The following ABHD5 variants were observed in gnomAD, a reference collection of about 807,000 sequenced individuals.
ABHD5 encodes the protein abhydrolase domain containing 5, lysophosphatidic acid acyltransferase.
A neutral mutation model predicts 44.9 loss-of-function variants in ABHD5; 30 were observed. The observed-to-expected ratio is 0.67, with a 90% CI of 0.50 to 0.91. The LOEUF is 0.91. Among genes scored for constraint, ABHD5 ranks in the 40% least tolerant of loss-of-function variants. The probability of loss-of-function intolerance (pLI) is 0.00; values close to 1 mark genes in which losing one functional copy is unlikely to be tolerated. For synonymous variants in ABHD5, 167 were observed against 147.0 expected (o/e 1.14, Z -0.99); for missense variants, 399 against 423.4 (o/e 0.94, Z 0.50).
chr3:43,717,857 A>G lies in ABHD5; in HGVS notation c.960A>G (p.Ile320Met), dbSNP rs1205877591. Reference protein sequence around the residue: ...SLRPHSYVKTIAILGAGHYVY... With the variant: ...SLRPHSYVKTMAILGAGHYVY... ...GACCACATTCATATGTGAAGACAAT[A>G]GTAAGTGTGTGGCTTGATTTGGGTT... is the stretch of plus-strand genomic sequence containing the variant. The change falls in exon 6 of 7, where the codon ATA becomes ATG. Residue 320 changes from isoleucine to methionine, a missense_variant and splice_region_variant. Physicochemically the swap from Ile to Met is conservative, Grantham distance 10. Transcript: ENST00000644371. 1.2e-6 allele frequency: 2 copies of G among 1,614,140 alleles called. No homozygotes were observed. The highest frequency in any genetic ancestry group is 1.7e-6 in the Non-Finnish European group (2 of 1,179,984).
rs1008706767 is a variant in ABHD5 at position 43,720,859 on chromosome 3, C to T, written c.*2327C>T. The T allele has an allele frequency of 5.9e-5, 9 of 151,914 alleles. No homozygotes were observed. The highest frequency in any genetic ancestry group is 4.6e-4 in the Admixed American group (7 of 15,234). The allele number at this position is 151,914 out of a possible 1,614,324, so 9.4% of individuals were successfully genotyped here. ...CCGCCATACATGGCTTTACCTGGGT[C>T]CATGCATTCCCTTAAGATGACTTCT... On this transcript the variant is annotated 3_prime_UTR_variant, in exon 7 of 7. Coordinates refer to ENST00000644371, the MANE Select transcript of ABHD5 (RefSeq NM_016006.6).
chr3:43,707,070 A>G (rs1475160911), intron 3 of ABHD5, among the ~76,000 whole-genome samples: 1 of 152,086 alleles, frequency 6.6e-6, no homozygotes, highest in Non-Finnish European at 1.5e-5. Flanking sequence ...ATTTTTGCCA[A>G]CTTTTGGATT....
chr3:43,725,421 A>G (rs1377933820), downstream of ABHD5, among the ~76,000 whole-genome samples: 1 of 152,210 alleles, frequency 6.6e-6, no homozygotes, highest in Non-Finnish European at 1.5e-5. Context: ...GCTTAATTAG[A>G]TTAGCTCCAA....
At chr3:43,711,147 G>C (rs561607629) in intron 3 of ABHD5, among the ~76,000 whole-genome samples, 1 of 152,178 alleles carries the variant, frequency 6.6e-6, no homozygotes, top group Non-Finnish European at 1.5e-5. Context: ...AGTGTTTTCA[G>C]TCCACGTTAC....
intron 1 of ABHD5, among the ~76,000 whole-genome samples, chr3:43,694,631 C>A (rs75673581): frequency 8.5e-4 from 129 of 151,850 alleles, no homozygotes; most frequent in African/African-American, 3.0e-3. Flanking sequence ...AGGTAGGAAA[C>A]AATGGGGAGA....
At chr3:43,708,868 GCA>G (rs1228900234) in intron 3 of ABHD5, among the ~76,000 whole-genome samples, 1 of 152,116 alleles carries the variant, frequency 6.6e-6, no homozygotes, top group African/African-American at 2.4e-5. Flanking sequence ...AGACACCCAT[GCA>G]CATATACATT....
rs138418115 is a variant in ABHD5, at chr3:43,712,247, G to A, written c.661+384G>A. ...GCCCTGCTGGTGAGCACTGGAGAGCGTTTGGCCAATTGATGATACCATTTG... is the reference window on the plus strand; with the variant it reads ...GCCCTGCTGGTGAGCACTGGAGAGCATTTGGCCAATTGATGATACCATTTG... On this transcript the variant is annotated intron_variant, in intron 4 of 6. Transcript: ENST00000644371. Among the ~76,000 whole-genome samples the A allele has an allele frequency of 2.4e-3, 371 of 152,228 alleles. 4 individuals are homozygous for A. Among genetic ancestry groups the A allele is most frequent in the African/African-American group, 8.7e-3 (361 of 41,532 alleles).
chr3:43,690,957 T>C lies in ABHD5; in HGVS notation c.-36T>C. On this transcript the variant is annotated 5_prime_UTR_variant, in exon 1 of 7. Transcript: ENST00000644371. ...CGGCCCAGTCGGCCTGTCAGCCGGC[T>C]TCGAGATAAGTCCCGGCGCTTGCGC... 6.4e-7 allele frequency: 1 copy of C among 1,554,486 alleles called. No homozygotes were observed. Among genetic ancestry groups the C allele is most frequent in the Non-Finnish European group, 8.7e-7 (1 of 1,155,160 alleles).
At chr3:43,718,327 G>C (rs1465171916) in intron 6 of ABHD5, 116 bp from the exon 7 acceptor site, 1 of 852,750 alleles carries the variant, frequency 1.2e-6, no homozygotes, top group African/African-American at 1.7e-5. Flanking sequence ...TTAATCACGT[G>C]TTTTATTTAA....
Position 43,702,872 on chromosome 3 carries a change from T to G in ABHD5, c.506+285T>G, listed in dbSNP as rs551032648. ...TATAATTTTAAGCCACAAGTAAAAA[T>G]TATTTATTATTATTATCATTAAACC... On this transcript the variant is annotated intron_variant, in intron 3 of 6. Transcript: ENST00000644371. 6.6e-4 allele frequency among the ~76,000 whole-genome samples: 99 copies of G among 149,946 alleles called. 2 individuals carry two copies. Among genetic ancestry groups the G allele is most frequent in the African/African-American group, 2.4e-3 (96 of 40,274 alleles).
In ABHD5 at chr3:43,718,669, T is replaced by G. The variant is rs2084798983; in HGVS notation, c.*137T>G. 1.2e-6 allele frequency: 1 copy of G among 824,980 alleles called. No homozygotes were observed. Among genetic ancestry groups the G allele is most frequent in the East Asian group, 2.7e-5 (1 of 37,586 alleles). 51.1% of individuals were successfully genotyped at this position (824,980 alleles called of 1,614,324 possible). ...GACTATACTTTGCACATGTTTTCTT[T>G]AGGAATTCACTCACACATTTAAACC... is the stretch of plus-strand genomic sequence containing the variant. On this transcript the variant is annotated 3_prime_UTR_variant, in exon 7 of 7. Coordinates refer to ENST00000644371, the MANE Select transcript of ABHD5 (RefSeq NM_016006.6).
Position 43,691,012 on chromosome 3 carries a change from A to T in ABHD5, c.20A>T (p.Glu7Val). The part of the protein sequence containing the change: MAAEEE[E>V]VDSADTGERS... The stretch of plus-strand genomic sequence containing the variant: ...GCGGCTATGGCGGCGGAGGAGGAGG[A>T]GGTGGACTCTGCCGACACCGGAGAG... The change falls in exon 1 of 7, where the codon GAG (glutamate) becomes GTG (valine). Residue 7 changes from glutamate to valine, a missense_variant. By Grantham distance (121) the Glu-to-Val change is moderately radical. Transcript: ENST00000644371. 6.4e-7 allele frequency: 1 copy of T among 1,563,600 alleles called. No individual in the cohort carries two copies. Among genetic ancestry groups the T allele is most frequent in the Non-Finnish European group, 8.6e-7 (1 of 1,158,298 alleles).
intron 7 of ABHD5, among the ~76,000 whole-genome samples, chr3:43,728,431 A>G (rs945427430): frequency 6.6e-6 from 1 of 152,226 alleles, no homozygotes; most frequent in Non-Finnish European, 1.5e-5. Context: ...TACATTGCTG[A>G]TGAAAACTAT....
chr3:43,693,856 T>A (rs1227231442), intron 1 of ABHD5, among the ~76,000 whole-genome samples: 1 of 152,006 alleles, frequency 6.6e-6, no homozygotes, highest in Non-Finnish European at 1.5e-5. Context: ...CTGTCTTGTC[T>A]GTGGAGATGA....
chr3:43,699,378 G>T lies in ABHD5; in HGVS notation c.133+17G>T. 6.3e-7 allele frequency: 1 copy of T among 1,598,508 alleles called. No homozygotes were observed. Among genetic ancestry groups the T allele is most frequent in the Non-Finnish European group, 8.6e-7 (1 of 1,166,134 alleles). On this transcript the variant is annotated intron_variant, in intron 2 of 6. Transcript: ENST00000644371. Reference sequence around the variant, plus strand: ...TGTTAAAATGTAAGGCTTTCTTCTTGTAAGTTAAATGAGCTGTGTACTAAG... The same window carrying T: ...TGTTAAAATGTAAGGCTTTCTTCTTTTAAGTTAAATGAGCTGTGTACTAAG...
intron 3 of ABHD5, among the ~76,000 whole-genome samples, chr3:43,708,999 G>A (rs986202783): frequency 5.9e-5 from 9 of 152,234 alleles, no homozygotes; most frequent in Admixed American, 2.6e-4. Context: ...TTTTGTTACC[G>A]AATAATAAGA....
intron 5 of ABHD5, among the ~76,000 whole-genome samples, chr3:43,717,000 G>A (rs1003536877): frequency 6.6e-6 from 1 of 151,994 alleles, no homozygotes; most frequent in Non-Finnish European, 1.5e-5. Flanking sequence ...GTGAAACCCC[G>A]TCTCTACTGA....
intron 6 of ABHD5, 103 bp from the exon 7 acceptor site, chr3:43,718,340 A>G: frequency 3.3e-6 from 3 of 903,200 alleles, no homozygotes; most frequent in Non-Finnish European, 5.6e-6. Context: ...TTATTTAAAT[A>G]CAGTGGCTCT....
chr3:43,714,137 CTTT>C (rs542982546), intron 4 of ABHD5, among the ~76,000 whole-genome samples: 10 of 136,858 alleles, frequency 7.3e-5, no homozygotes, highest in Admixed American at 2.2e-4. Flanking sequence ...TTCTTTTTTT[CTTT>C]TTTTTTTTTT....
Sources: gnomAD v4.1 joint callset for allele counts (sites outside exome capture counted in the v4.1 genomes callset) on GRCh38, gnomAD v4.1.1 for gene constraint, MANE v1.5 for transcripts, NCBI Gene and HGNC (gene_info 2026-07-23, HGNC 2026-07-21) for gene names.